RNF145: variants seen among roughly 807,000 people sequenced by gnomAD.
The protein encoded by RNF145 is ring finger protein 145.
In RNF145, 12 loss-of-function variants were observed where a neutral mutation model predicts 57.3. The observed-to-expected ratio is 0.21, with a 90% CI of 0.13 to 0.34. The LOEUF (loss-of-function observed/expected upper bound fraction) is 0.34, where lower values mean the gene tolerates loss of function less well. RNF145 is among the 10% of genes least tolerant of loss of function. The probability of loss-of-function intolerance (pLI) is 1.00; values close to 1 mark genes in which losing one functional copy is unlikely to be tolerated. For synonymous variants in RNF145, 262 were observed against 288.3 expected (o/e 0.91, Z 0.92); for missense variants, 429 against 799.0 (o/e 0.54, Z 5.58).
intron 1 of RNF145, among the ~76,000 whole-genome samples, chr5:159,207,291 T>C (rs1399210653): frequency 1.3e-5 from 2 of 152,092 alleles, no homozygotes; most frequent in Admixed American, 6.6e-5. Flanking sequence ...CTATGTCAAA[T>C]AAGAGAAATG....
intron 1 of RNF145, chr5:159,208,232 C>T (rs1338530531): frequency 3.5e-6 from 4 of 1,138,602 alleles, no homozygotes; most frequent in Non-Finnish European, 3.4e-6. Context: ...ACCGGGCCGC[C>T]GCCGCCGCGG....
chr5:159,158,901 T>C lies in RNF145; in HGVS notation c.1761A>G (p.Leu587=). Residue 587 remains leucine, a synonymous_variant, in exon 11 of 11, where the codon TTA becomes TTG. Coordinates refer to ENST00000424310, the MANE Select transcript of RNF145 (RefSeq NM_001199383.2). The part of the protein sequence containing the change: ...HLKNSSQLPG[L]GTEPVLQPHA... ...GAGGCTGTAGAACTGGCTCAGTTCC[T>C]AATCCTGGAAGCTGGGAGGAGTTTT... The C allele has an allele frequency of 6.2e-7, 1 of 1,613,946 alleles. No individual in the cohort carries two copies. The highest frequency in any genetic ancestry group is 8.5e-7 in the Non-Finnish European group (1 of 1,179,868).
chr5:159,166,531 AT>A (rs1257040285), intron 8 of RNF145, among the ~76,000 whole-genome samples: 1 of 152,194 alleles, frequency 6.6e-6, no homozygotes, highest in Non-Finnish European at 1.5e-5. Flanking sequence ...TACTGGAGTT[AT>A]TTTGTTTATA....
intron 6 of RNF145, among the ~76,000 whole-genome samples, 199 bp from the exon 7 acceptor site, chr5:159,170,018 T>A (rs941004442): frequency 6.6e-6 from 1 of 152,198 alleles, no homozygotes; most frequent in Non-Finnish European, 1.5e-5. Context: ...CATTTTTCTA[T>A]CTCATTGGCA....
chr5:159,168,515 ATAT>A (rs1397245734), intron 8 of RNF145, among the ~76,000 whole-genome samples: 1 of 152,146 alleles, frequency 6.6e-6, no homozygotes, highest in African/African-American at 2.4e-5. Flanking sequence ...ATAAAATTAA[ATAT>A]TATTTGTTAC....
intron 6 of RNF145, among the ~76,000 whole-genome samples, chr5:159,171,803 A>G (rs1451503803): frequency 2.0e-5 from 3 of 152,184 alleles, no homozygotes; most frequent in Non-Finnish European, 4.4e-5. Context: ...AAGCATGGAT[A>G]AGAACAGAGA....
At chr5:159,188,851 A>G (rs1401100309) in intron 3 of RNF145, among the ~76,000 whole-genome samples, 1 of 152,174 alleles carries the variant, frequency 6.6e-6, no homozygotes, top group Non-Finnish European at 1.5e-5. Flanking sequence ...CAGAAACCCA[A>G]CTTTTCAAAA....
chr5:159,193,538 C>T (rs1304425068), intron 3 of RNF145, among the ~76,000 whole-genome samples: 1 of 152,122 alleles, frequency 6.6e-6, no homozygotes, highest in African/African-American at 2.4e-5. Context: ...TATTCTCATC[C>T]TTTCATATCC....
At chr5:159,159,073 G>GT (rs1784132590) in intron 10 of RNF145, 38 bp from the exon 11 acceptor site, 1 of 1,559,320 alleles carries the variant, frequency 6.4e-7, no homozygotes, top group South Asian at 1.2e-5. Context: ...ATAAATGTCT[G>GT]TTTTCTAGTA....
intron 6 of RNF145, among the ~76,000 whole-genome samples, chr5:159,170,193 T>C (rs1474112531): frequency 1.3e-5 from 2 of 152,222 alleles, no homozygotes; most frequent in Admixed American, 6.5e-5. Context: ...ATGATGGCTG[T>C]TCAAATTGTT....
At chr5:159,205,618 T>G (rs1226189612) in intron 1 of RNF145, among the ~76,000 whole-genome samples, 1 of 152,206 alleles carries the variant, frequency 6.6e-6, no homozygotes, top group Admixed American at 6.5e-5. Context: ...TGAATAGATC[T>G]TCTCACAAAC....
At chr5:159,198,617 G>C (rs1292196033) in intron 2 of RNF145, among the ~76,000 whole-genome samples, 1 of 152,186 alleles carries the variant, frequency 6.6e-6, no homozygotes, top group East Asian at 1.9e-4. Flanking sequence ...AGGAAACACA[G>C]CAGGAGAAAG....
At chr5:159,206,068 G>A (rs1399406084) in intron 1 of RNF145, among the ~76,000 whole-genome samples, 1 of 151,944 alleles carries the variant, frequency 6.6e-6, no homozygotes, top group African/African-American at 2.4e-5. Flanking sequence ...CACCACTCCT[G>A]CCTAACAAAT....
At chr5:159,176,955 T>C in intron 4 of RNF145, 88 bp from the exon 5 acceptor site, 1 of 707,016 alleles carries the variant, frequency 1.4e-6, no homozygotes, top group South Asian at 2.0e-5. Context: ...ATAAGGATAA[T>C]AACACAACTT....
rs1785743061 is a variant in RNF145, at chr5:159,203,483, A to G, written c.135T>C (p.Asn45=). The G allele has an allele frequency of 6.2e-7, 1 of 1,614,022 alleles. No homozygotes were observed. The highest frequency in any genetic ancestry group is 1.1e-5 in the South Asian group (1 of 91,096). ...FQQIQRSSLS[N]NPLFQYKYLA... is the part of the protein sequence containing the mutation. Reference sequence around the variant, plus strand: ...AATACTTATACTGGAAAAGAGGGTTATTACTAAGGCTACTTCTTTGGATCT... The same window carrying G: ...AATACTTATACTGGAAAAGAGGGTTGTTACTAAGGCTACTTCTTTGGATCT... The change falls in exon 2 of 11, where the codon AAT becomes AAC. Residue 45 remains asparagine (N), a synonymous_variant. Transcript: ENST00000424310.
intron 8 of RNF145, among the ~76,000 whole-genome samples, chr5:159,166,153 C>T (rs1784387824): frequency 6.6e-6 from 1 of 152,200 alleles, no homozygotes; most frequent in African/African-American, 2.4e-5. Context: ...CAGTATCTCA[C>T]TGTAGCCTTC....
At chr5:159,194,158 C>T (rs564425491) in intron 3 of RNF145, among the ~76,000 whole-genome samples, 57 of 152,322 alleles carry the variant, frequency 3.7e-4, no homozygotes, top group Non-Finnish European at 5.7e-4. Context: ...CTCCACATGG[C>T]TGCATCTTAT....
At chr5:159,180,819 A>C (rs945070861) in intron 4 of RNF145, among the ~76,000 whole-genome samples, 4 of 152,080 alleles carry the variant, frequency 2.6e-5, no homozygotes, top group Non-Finnish European at 1.5e-5. Flanking sequence ...CCTTAATCTC[A>C]ATTCACCACA....
intron 8 of RNF145, among the ~76,000 whole-genome samples, chr5:159,164,448 C>T (rs1180996618): frequency 1.3e-5 from 2 of 152,056 alleles, no homozygotes; most frequent in Non-Finnish European, 2.9e-5. Flanking sequence ...GAAATATGTA[C>T]GTATTTATAA....
Sources: gnomAD v4.1 joint callset for allele counts (sites outside exome capture counted in the v4.1 genomes callset) on GRCh38, gnomAD v4.1.1 for gene constraint, MANE v1.5 for transcripts, NCBI Gene and HGNC (gene_info 2026-07-23, HGNC 2026-07-21) for gene names.